The following REDIC1 variants were observed in gnomAD, a reference collection of about 807,000 sequenced individuals.
REDIC1 encodes HEI10 Interacting Protein 1.
chr12:39,808,020 C>T, the REDIC1 span, among the ~76,000 whole-genome samples: 1 of 152,092 alleles, frequency 6.6e-6, no homozygotes. Context: ...ACCAATTTTA[C>T]GTGTAAGTCA....
the REDIC1 span, among the ~76,000 whole-genome samples, chr12:39,719,311 A>G: frequency 6.6e-6 from 1 of 152,166 alleles, no homozygotes; most frequent in African/African-American, 2.4e-5. Flanking sequence ...ACATTATAAT[A>G]AGTATTTATG....
chr12:39,829,657 C>T, the REDIC1 span: 7 of 167,924 alleles, frequency 4.2e-5, no homozygotes, highest in African/African-American at 1.2e-4. Flanking sequence ...AAGTGATCTG[C>T]CTGCCTCAGC....
At chr12:39,908,038 A>C in the REDIC1 span, 2 of 152,072 alleles carry the variant, frequency 1.3e-5, no homozygotes, top group Non-Finnish European at 2.9e-5. Flanking sequence ...CCTGGCCAGA[A>C]GAACCACATA....
chr12:39,789,534 C>A, the REDIC1 span, among the ~76,000 whole-genome samples: 7 of 152,016 alleles, frequency 4.6e-5, no homozygotes, highest in African/African-American at 1.4e-4. Flanking sequence ...TACATGTGTG[C>A]AAGGGTTTCT....
the REDIC1 span, chr12:39,647,939 C>G: frequency 6.3e-7 from 1 of 1,591,030 alleles, no homozygotes; most frequent in Non-Finnish European, 8.5e-7. Flanking sequence ...AGCACCTACT[C>G]CTCAGAAACT....
the REDIC1 span, among the ~76,000 whole-genome samples, chr12:39,648,911 A>G: frequency 6.6e-6 from 1 of 151,824 alleles, no homozygotes; most frequent in African/African-American, 2.4e-5. Flanking sequence ...ATGAAGTATT[A>G]CATTCCTGTG....
chr12:39,794,326 C>A, the REDIC1 span, among the ~76,000 whole-genome samples: 1 of 152,082 alleles, frequency 6.6e-6, no homozygotes, highest in Non-Finnish European at 1.5e-5. Flanking sequence ...TTCTGACAGA[C>A]ACTCTTTAGT....
At chr12:39,716,918 T>C in the REDIC1 span, 3 of 949,964 alleles carry the variant, frequency 3.2e-6, no homozygotes, top group Non-Finnish European at 1.4e-6. Flanking sequence ...CTTTACCCTA[T>C]AAAACTGTTG....
chr12:39,766,123 C>A, the REDIC1 span, among the ~76,000 whole-genome samples: 1 of 152,086 alleles, frequency 6.6e-6, no homozygotes, highest in Non-Finnish European at 1.5e-5. Flanking sequence ...TCACAACCAC[C>A]ACTTTGTTTA....
the REDIC1 span, among the ~76,000 whole-genome samples, chr12:39,884,469 T>C: frequency 6.6e-6 from 1 of 152,216 alleles, no homozygotes; most frequent in Non-Finnish European, 1.5e-5. Context: ...CAAGCCTAAC[T>C]ATTCAATTAA....
the REDIC1 span, among the ~76,000 whole-genome samples, chr12:39,796,139 C>T: frequency 6.6e-6 from 1 of 152,062 alleles, no homozygotes; most frequent in Non-Finnish European, 1.5e-5. Context: ...AGTATATCAC[C>T]TTTTGTAACT....
the REDIC1 span, among the ~76,000 whole-genome samples, chr12:39,792,532 C>T: frequency 6.6e-6 from 1 of 152,190 alleles, no homozygotes; most frequent in African/African-American, 2.4e-5. Context: ...CTTGTGACTA[C>T]CATTTTGGGC....
chr12:39,647,860 T>C, the REDIC1 span: 1 of 1,609,070 alleles, frequency 6.2e-7, no homozygotes, highest in South Asian at 1.1e-5. Context: ...GCAGTTTCAC[T>C]CCATCATCTT....
At chr12:39,890,369 G>C in the REDIC1 span, among the ~76,000 whole-genome samples, 1 of 151,970 alleles carries the variant, frequency 6.6e-6, no homozygotes, top group Non-Finnish European at 1.5e-5. Flanking sequence ...CAAAGCTATC[G>C]GTGTCCTACT....
At chr12:39,661,543 C>T in the REDIC1 span, among the ~76,000 whole-genome samples, 53 of 151,824 alleles carry the variant, frequency 3.5e-4, no homozygotes, top group Non-Finnish European at 5.6e-4. Context: ...CTTGTATATT[C>T]TGGATATTAG....
At chr12:39,711,584 CATGTGTAT>C in the REDIC1 span, among the ~76,000 whole-genome samples, 14 of 51,028 alleles carry the variant, frequency 2.7e-4, no homozygotes, top group Non-Finnish European at 6.0e-4. Flanking sequence ...CATACACATG[CATGTGTAT>C]ATGTGTATAC....
chr12:39,735,726 A>T, the REDIC1 span, among the ~76,000 whole-genome samples: 3 of 152,264 alleles, frequency 2.0e-5, no homozygotes, highest in African/African-American at 4.8e-5. Context: ...GTAGTATTTC[A>T]TACAGGTAAC....
chr12:39,801,820 T>C, the REDIC1 span, among the ~76,000 whole-genome samples: 3 of 152,156 alleles, frequency 2.0e-5, no homozygotes, highest in Non-Finnish European at 4.4e-5. Context: ...ACCCAGCATC[T>C]TATGTTGAAG....
At chr12:39,904,544 G>A in the REDIC1 span, among the ~76,000 whole-genome samples, 11 of 152,118 alleles carry the variant, frequency 7.2e-5, no homozygotes, top group African/African-American at 2.4e-4. Flanking sequence ...TCTTTCATAT[G>A]CCAACTGCCA....
Sources: allele counts gnomAD v4.1 joint callset (sites outside exome capture counted in the v4.1 genomes callset), GRCh38; gene constraint gnomAD v4.1.1; transcripts MANE v1.5; gene names NCBI Gene and HGNC (gene_info 2026-07-23, HGNC 2026-07-21).